Variants in DNAAF9 observed in about 807,000 individuals in gnomAD.
DNAAF9 encodes shulin.
Under a neutral mutation model 167.0 loss-of-function variants are expected in DNAAF9, and 90 were observed. That is an observed-to-expected ratio of 0.54 (90% confidence interval 0.45 to 0.64). The LOEUF (loss-of-function observed/expected upper bound fraction) is 0.64, where lower values mean the gene tolerates loss of function less well. Ranked by LOEUF, DNAAF9 falls within the 30% of genes least tolerant of loss-of-function variation. The pLI, the probability that DNAAF9 is intolerant of heterozygous loss-of-function variation, is 0.00. For missense variants in DNAAF9, 1,315 were observed against 1,442.2 expected, an observed-to-expected ratio of 0.91 and a Z score of 1.43; for synonymous variants, 491 against 508.8, an observed-to-expected ratio of 0.96 and a Z score of 0.47.
At chr20:3,362,256 T>C in intron 6 of DNAAF9, 7 of 1,337,498 alleles carry the variant, frequency 5.2e-6, no homozygotes, top group Non-Finnish European at 7.5e-6. Context: ...CTTTCTGGCT[T>C]TCTTCGAGTT....
chr20:3,374,812 C>A (rs2083553800), intron 5 of DNAAF9, among the ~76,000 whole-genome samples: 1 of 152,128 alleles, frequency 6.6e-6, no homozygotes, highest in Admixed American at 6.5e-5. Context: ...GTTCTTCTAC[C>A]TGATTTTGGG....
At chr20:3,372,540 G>A (rs753970851) in intron 6 of DNAAF9, among the ~76,000 whole-genome samples, 1 of 152,124 alleles carries the variant, frequency 6.6e-6, no homozygotes, top group African/African-American at 2.4e-5. Context: ...AGGAGATAAC[G>A]TTCTTTTTGA....
chr20:3,285,126 C>T (rs1464226381), intron 27 of DNAAF9, among the ~76,000 whole-genome samples: 1 of 152,186 alleles, frequency 6.6e-6, no homozygotes. Flanking sequence ...ACTAACAGCT[C>T]CACTTGATGT....
At chr20:3,372,140 A>G (rs769290983) in intron 6 of DNAAF9, among the ~76,000 whole-genome samples, 9 of 152,196 alleles carry the variant, frequency 5.9e-5, no homozygotes, top group Non-Finnish European at 1.0e-4. Context: ...TTAAAAATTA[A>G]GTTATTAAGT....
intron 21 of DNAAF9, among the ~76,000 whole-genome samples, chr20:3,299,372 G>A (rs1329022526): frequency 6.6e-6 from 1 of 151,086 alleles, no homozygotes; most frequent in Non-Finnish European, 1.5e-5. Context: ...GAGTGCAGTG[G>A]TGCCATCTTG....
At chr20:3,389,509 G>A (rs1419295156) in intron 1 of DNAAF9, among the ~76,000 whole-genome samples, 1 of 151,928 alleles carries the variant, frequency 6.6e-6, no homozygotes, top group Non-Finnish European at 1.5e-5. Context: ...GCTCATGCCT[G>A]TAATTCCAAC....
chr20:3,316,890 CTTTTTTTTTTTT>C (rs11424663), intron 17 of DNAAF9, 97 bp from the exon 18 acceptor site: 7 of 250,656 alleles, frequency 2.8e-5, no homozygotes, highest in South Asian at 4.6e-5. Flanking sequence ...AGCTAGGGTT[CTTTTTTTTTTTT>C]TTTTTTTTTT....
chr20:3,298,217 C>T (rs1568587867), intron 21 of DNAAF9, 42 bp from the exon 22 acceptor site: 5 of 1,566,246 alleles, frequency 3.2e-6, no homozygotes, highest in South Asian at 1.1e-5. Context: ...AGAGCATCTG[C>T]ACAATTACAG....
At chr20:3,265,315 A>G (rs2068468687) in intron 30 of DNAAF9, among the ~76,000 whole-genome samples, 1 of 152,110 alleles carries the variant, frequency 6.6e-6, no homozygotes, top group African/African-American at 2.4e-5. Context: ...CTGTAATCCC[A>G]GCACTTTGGG....
intron 18 of DNAAF9, chr20:3,316,190 A>C (rs1181286578): frequency 4.5e-6 from 1 of 223,114 alleles, no homozygotes; most frequent in East Asian, 1.1e-4. Flanking sequence ...CTGTAGAAGC[A>C]GAATGTGAGC....
At chr20:3,334,499 G>C (rs1035979286) in intron 10 of DNAAF9, among the ~76,000 whole-genome samples, 5 of 152,062 alleles carry the variant, frequency 3.3e-5, no homozygotes, top group African/African-American at 1.2e-4. Flanking sequence ...TCTAAGTTTT[G>C]GTAATTATAA....
chr20:3,306,826 C>CA (rs1460171786), intron 20 of DNAAF9: 2 of 822,122 alleles, frequency 2.4e-6, no homozygotes, highest in Non-Finnish European at 1.5e-6. Context: ...CCCAGACCTT[C>CA]AACACTCTCC....
At chr20:3,296,617 T>C (rs1292029887) in intron 23 of DNAAF9, 5 of 469,570 alleles carry the variant, frequency 1.1e-5, no homozygotes, top group Non-Finnish European at 1.1e-5. Context: ...TTGTGCTCAA[T>C]TCATCCTCCT....
chr20:3,338,802 G>A (rs1293414370), intron 10 of DNAAF9, among the ~76,000 whole-genome samples: 5 of 151,842 alleles, frequency 3.3e-5, no homozygotes, highest in South Asian at 2.1e-4. Flanking sequence ...ACAGGCGCCC[G>A]CCACCACACC....
At chr20:3,272,628 C>A (rs540567638) in intron 29 of DNAAF9, among the ~76,000 whole-genome samples, 1 of 152,232 alleles carries the variant, frequency 6.6e-6, no homozygotes, top group African/African-American at 2.4e-5. Flanking sequence ...CTTTATCAAT[C>A]TCCCATTCTG....
rs534855622 is a variant in DNAAF9 at position 3,251,790 on chromosome 20, G to A, written c.*782C>T. 6.6e-6 allele frequency: 1 copy of A among 152,476 alleles called. No individual in the cohort carries two copies. The highest frequency in any genetic ancestry group is 2.4e-5 in the African/African-American group (1 of 41,600). 9.4% of individuals were successfully genotyped at this position (152,476 alleles called of 1,614,324 possible). ...TCCACAGTGAGGTGAAGCCTCGCCA[G>A]GGGGCCTGAGCAGCAGGCTTGCTCT... On this transcript the variant is annotated 3_prime_UTR_variant, in exon 37 of 37. Transcript: ENST00000252032.
intron 27 of DNAAF9, among the ~76,000 whole-genome samples, chr20:3,286,718 A>T: frequency 6.6e-6 from 1 of 151,814 alleles, no homozygotes; most frequent in Non-Finnish European, 1.5e-5. Flanking sequence ...CCTCAGTACC[A>T]CTCTCCCAGC....
intron 1 of DNAAF9, among the ~76,000 whole-genome samples, chr20:3,385,554 T>C (rs1048569961): frequency 2.0e-5 from 3 of 152,042 alleles, no homozygotes; most frequent in African/African-American, 4.8e-5. Flanking sequence ...GCCTCCCAAG[T>C]AGCTGGATCT....
At chr20:3,395,338 T>C (rs1254868565) in intron 1 of DNAAF9, among the ~76,000 whole-genome samples, 2 of 151,596 alleles carry the variant, frequency 1.3e-5, no homozygotes, top group East Asian at 3.9e-4. Flanking sequence ...TGGAATGCAG[T>C]GGTGCAATCT....
Sources: gnomAD v4.1 joint callset for allele counts (sites outside exome capture counted in the v4.1 genomes callset) on GRCh38, gnomAD v4.1.1 for gene constraint, MANE v1.5 for transcripts, NCBI Gene and HGNC (gene_info 2026-07-23, HGNC 2026-07-21) for gene names.